The following OIT3 variants were observed in gnomAD, a reference collection of about 807,000 sequenced individuals.
The protein encoded by OIT3 is oncoprotein-induced transcript 3 protein.
OIT3 carries 41 observed loss-of-function variants against 52.2 expected under a neutral mutation model. The ratio of observed to expected loss-of-function variants is 0.79; its 90% CI spans 0.61 to 1.02. OIT3 has a LOEUF of 1.02. OIT3 is among the 50% of genes least tolerant of loss of function. The pLI, the probability that OIT3 is intolerant of heterozygous loss-of-function variation, is 0.00. For missense variants in OIT3, 634 were observed against 715.5 expected (o/e 0.89, Z 1.30); for synonymous variants, 244 against 276.9 (o/e 0.88, Z 1.18).
At chr10:72,906,747 C>A (rs1454402199) in intron 4 of OIT3, 29 bp downstream of exon 4, 1 of 1,532,630 alleles carries the variant, frequency 6.5e-7, no homozygotes, top group Admixed American at 2.1e-5. Context: ...GGACCCAAAT[C>A]AAGAGCCCAG....
At position 72,911,733 on chromosome 10, in the gene OIT3, C is replaced by T. The variant is rs1343493951; in HGVS notation, c.684C>T (p.His228=). Residue 228 remains histidine (H), a synonymous_variant, in exon 5 of 9, where the codon CAC becomes CAT. Coordinates refer to ENST00000334011, the MANE Select transcript of OIT3 (RefSeq NM_152635.3). ...CTACTGCAGACGTTGAAGGATGCCACAATAACAATGGTGGCTGCAGCCACT... is the reference window on the plus strand; with the variant it reads ...CTACTGCAGACGTTGAAGGATGCCATAATAACAATGGTGGCTGCAGCCACT... The part of the protein sequence containing the change: ...GKTCEDVEGC[H]NNNGGCSHSC... The T allele has an allele frequency of 6.2e-6, 10 of 1,613,644 alleles. No individual in the cohort carries two copies. Among genetic ancestry groups the T allele is most frequent in the Admixed American group, 1.7e-5 (1 of 59,970 alleles).
chr10:72,909,678 A>T (rs1846012818), intron 4 of OIT3, among the ~76,000 whole-genome samples: 1 of 151,992 alleles, frequency 6.6e-6, no homozygotes, highest in African/African-American at 2.4e-5. Context: ...GCTCACAGCA[A>T]CCTCTGCCTC....
In OIT3 at chr10:72,930,566, T is replaced by A; in HGVS notation, c.1396T>A (p.Tyr466Asn). The part of the protein sequence containing the change: ...GCVSDDSVKQ[Y>N]TSRDHLAKHF... ...TGTTTCAGATGACTCGGTAAAGCAGTACACATCCCGGGATCACCTAGCAAA... is the reference window on the plus strand; with the variant it reads ...TGTTTCAGATGACTCGGTAAAGCAGAACACATCCCGGGATCACCTAGCAAA... The change falls in exon 8 of 9, where the codon TAC (tyrosine) becomes AAC (asparagine). Residue 466 changes from tyrosine (Y) to asparagine (N), a missense_variant. Transcript: ENST00000334011. The A allele has an allele frequency of 1.2e-6, 2 of 1,613,740 alleles. No individual in the cohort carries two copies. Among genetic ancestry groups the A allele is most frequent in the Non-Finnish European group, 1.7e-6 (2 of 1,179,758 alleles).
intron 3 of OIT3, among the ~76,000 whole-genome samples, chr10:72,905,467 A>C (rs949006244): frequency 1.4e-5 from 2 of 140,464 alleles, no homozygotes; most frequent in African/African-American, 6.5e-5. Context: ...GCTCCGTCTC[A>C]AAAAAAAAGA....
At chr10:72,904,164 A>T (rs923345433) in intron 3 of OIT3, among the ~76,000 whole-genome samples, 4 of 152,074 alleles carry the variant, frequency 2.6e-5, no homozygotes, top group Non-Finnish European at 4.4e-5. Context: ...CCAGTCACGT[A>T]CGCCCCTGCT....
intron 1 of OIT3, among the ~76,000 whole-genome samples, chr10:72,894,338 TAA>T (rs1376162617): frequency 2.0e-5 from 3 of 152,328 alleles, no homozygotes; most frequent in Non-Finnish European, 4.4e-5. Context: ...GAGTGAATCT[TAA>T]ATTGTCTCCC....
chr10:72,908,323 G>A (rs1315880593), intron 4 of OIT3, among the ~76,000 whole-genome samples: 3 of 152,116 alleles, frequency 2.0e-5, no homozygotes, highest in Non-Finnish European at 2.9e-5. Context: ...GATAAATGGT[G>A]TAATTGTTAT....
intron 4 of OIT3, among the ~76,000 whole-genome samples, chr10:72,909,339 C>T (rs965077743): frequency 7.9e-5 from 12 of 151,516 alleles, no homozygotes; most frequent in South Asian, 2.1e-4. Context: ...AGGCTGGTCT[C>T]GAACTCCTGA....
rs1475358123 is a variant in OIT3 at position 72,913,687 on chromosome 10, T to A, written c.951+219T>A. On this transcript the variant is annotated intron_variant, in intron 6 of 8. Coordinates refer to ENST00000334011, the MANE Select transcript of OIT3 (RefSeq NM_152635.3). ...GAATTCTGCTATTCCTGTTTTCAAA[T>A]AGTCCCATCTCTCCAGCATGCACAG... 8.9e-5 allele frequency: 58 copies of A among 650,572 alleles called. No homozygotes were observed. The East Asian group carries it at 1.7e-3, about 19-fold the overall frequency. The allele number at this position is 650,572 out of a possible 1,614,324, so 40.3% of individuals were successfully genotyped here.
chr10:72,896,016 G>A (rs1015136153), intron 1 of OIT3, among the ~76,000 whole-genome samples: 3 of 152,160 alleles, frequency 2.0e-5, no homozygotes, highest in Non-Finnish European at 4.4e-5. Flanking sequence ...GAAAGTATTG[G>A]ATGGTTAACT....
At chr10:72,909,836 G>T (rs1589524099) in intron 4 of OIT3, among the ~76,000 whole-genome samples, 1 of 151,930 alleles carries the variant, frequency 6.6e-6, no homozygotes, top group Non-Finnish European at 1.5e-5. Flanking sequence ...CTGACCTCGT[G>T]TTCTTTCACC....
At chr10:72,910,823 G>A (rs149702838) in intron 4 of OIT3, among the ~76,000 whole-genome samples, 47 of 152,294 alleles carry the variant, frequency 3.1e-4, no homozygotes, top group African/African-American at 1.1e-3. Flanking sequence ...TACAGAATCT[G>A]TAGAAACTAC....
At chr10:72,927,559 T>C (rs1287529110) in intron 7 of OIT3, among the ~76,000 whole-genome samples, 1 of 152,208 alleles carries the variant, frequency 6.6e-6, no homozygotes, top group Non-Finnish European at 1.5e-5. Flanking sequence ...GGCAAAAATG[T>C]GAAAACCACA....
At chr10:72,897,010 CTATT>C (rs994150011) in intron 1 of OIT3, among the ~76,000 whole-genome samples, 51 of 152,100 alleles carry the variant, frequency 3.4e-4, no homozygotes, top group African/African-American at 1.0e-3. Flanking sequence ...TGTTGTTTTT[CTATT>C]TATTTATTTG....
At chr10:72,902,430 T>C (rs982184449) in intron 3 of OIT3, among the ~76,000 whole-genome samples, 1 of 152,206 alleles carries the variant, frequency 6.6e-6, no homozygotes, top group African/African-American at 2.4e-5. Context: ...CCCATTTCCC[T>C]CTTCCCCAAC....
At chr10:72,908,427 G>T (rs1265049121) in intron 4 of OIT3, among the ~76,000 whole-genome samples, 3 of 152,024 alleles carry the variant, frequency 2.0e-5, no homozygotes, top group African/African-American at 7.3e-5. Flanking sequence ...CTTTATTCTA[G>T]CAATATTCAA....
chr10:72,912,194 ATTC>A (rs1279314675), intron 5 of OIT3, among the ~76,000 whole-genome samples: 1 of 150,856 alleles, frequency 6.6e-6, no homozygotes, highest in South Asian at 2.1e-4. Flanking sequence ...TGAGGAACAT[ATTC>A]TTCTCCCTAC....
intron 8 of OIT3, 50 bp from the exon 9 acceptor site, chr10:72,932,304 C>T (rs755736921): frequency 6.5e-7 from 1 of 1,547,208 alleles, no homozygotes; most frequent in East Asian, 2.2e-5. Context: ...AAGTGCCCCA[C>T]AAGTGGCAGC....
At chr10:72,903,773 G>A (rs1486613062) in intron 3 of OIT3, among the ~76,000 whole-genome samples, 1 of 152,056 alleles carries the variant, frequency 6.6e-6, no homozygotes, top group East Asian at 1.9e-4. Context: ...TTCTCTAGCA[G>A]GTACCCATAA....
Sources: allele counts gnomAD v4.1 joint callset (sites outside exome capture counted in the v4.1 genomes callset), GRCh38; gene constraint gnomAD v4.1.1; transcripts MANE v1.5; gene names NCBI Gene and HGNC (gene_info 2026-07-23, HGNC 2026-07-21).